The following SLC39A11 variants were observed in gnomAD, a reference collection of about 807,000 sequenced individuals.
The protein encoded by SLC39A11 is solute carrier family 39 member 11.
In SLC39A11, 33 loss-of-function variants were observed where a neutral mutation model predicts 36.1. That is an observed-to-expected ratio of 0.91 (90% CI 0.69 to 1.22). The LOEUF (loss-of-function observed/expected upper bound fraction) is 1.22. Ranked by LOEUF, SLC39A11 falls within the 50% of genes most tolerant of loss-of-function variation. The pLI, the probability that SLC39A11 is intolerant of heterozygous loss-of-function variation, is 0.00. For missense variants in SLC39A11, 432 were observed against 430.3 expected, an observed-to-expected ratio of 1.00 and a Z score of -0.03; for synonymous variants, 166 against 170.3, an observed-to-expected ratio of 0.97 and a Z score of 0.20.
intron 6 of SLC39A11, among the ~76,000 whole-genome samples, chr17:72,830,818 T>C (rs2078254069): frequency 6.6e-6 from 1 of 152,160 alleles, no homozygotes; most frequent in African/African-American, 2.4e-5. Context: ...ATTCCACCTC[T>C]CCACACTCAA....
At chr17:72,897,672 G>A (rs946115071) in intron 5 of SLC39A11, among the ~76,000 whole-genome samples, 53 of 152,164 alleles carry the variant, frequency 3.5e-4, no homozygotes, top group Admixed American at 1.5e-3. Context: ...AGCATAGTGA[G>A]GGTCCTGGTT....
At chr17:72,915,838 T>C (rs2083296799) in intron 5 of SLC39A11, among the ~76,000 whole-genome samples, 1 of 152,266 alleles carries the variant, frequency 6.6e-6, no homozygotes, top group Admixed American at 6.5e-5. Context: ...AATCCATTTT[T>C]TCAAAAGTCT....
intron 6 of SLC39A11, among the ~76,000 whole-genome samples, chr17:72,748,993 G>A (rs1272714536): frequency 6.6e-6 from 1 of 152,204 alleles, no homozygotes; most frequent in Non-Finnish European, 1.5e-5. Flanking sequence ...ACAGTTGTTG[G>A]TTTTTATTTA....
chr17:72,919,450 CTA>C lies in SLC39A11; in HGVS notation c.430+28300_430+28301del, dbSNP rs2083513431. ...AGCGTAGAGGGGCTTTTGATGATAC[CTA>C]GCATGTGGGGAGCTGAGAAATTGAT... On this transcript the variant is annotated intron_variant, in intron 5 of 9. Coordinates refer to ENST00000255559, the MANE Select transcript of SLC39A11 (RefSeq NM_139177.4). Among the ~76,000 whole-genome samples the C allele has an allele frequency of 5.3e-5, 8 of 152,020 alleles. No individual in the cohort carries two copies. The South Asian group carries it at 1.7e-3, about 32-fold the overall frequency.
chr17:73,047,990 A>AAAAAATAT (rs1555693446), intron 3 of SLC39A11, among the ~76,000 whole-genome samples: 6 of 58,674 alleles, frequency 1.0e-4, no homozygotes, highest in African/African-American at 2.0e-4. Flanking sequence ...AAAAAAAAAA[A>AAAAAATAT]ATATATATAT....
At chr17:72,938,164 C>T (rs769297702) in intron 5 of SLC39A11, among the ~76,000 whole-genome samples, 6 of 152,110 alleles carry the variant, frequency 3.9e-5, no homozygotes, top group Admixed American at 6.5e-5. Flanking sequence ...GGAAAATACA[C>T]CAGAGAGAAG....
At chr17:72,650,830 A>G (rs77687241) in intron 7 of SLC39A11, among the ~76,000 whole-genome samples, 1,645 of 152,232 alleles carry the variant, frequency 0.011, 39 homozygotes, top group African/African-American at 0.038. Flanking sequence ...ACCCCTGCCT[A>G]TGACCTGCCC....
At chr17:72,999,428 T>C (rs2089693782) in intron 4 of SLC39A11, among the ~76,000 whole-genome samples, 1 of 152,234 alleles carries the variant, frequency 6.6e-6, no homozygotes, top group Non-Finnish European at 1.5e-5. Context: ...TCATAGGGCT[T>C]AGCACTCTGC....
At chr17:72,971,336 A>ACACTCTCTCTCT (rs1555657685) in intron 4 of SLC39A11, among the ~76,000 whole-genome samples, 152 of 143,490 alleles carry the variant, frequency 1.1e-3, no homozygotes, top group African/African-American at 3.7e-3. Context: ...ACACACACAC[A>ACACTCTCTCTCT]CTCTCTCTCT....
intron 4 of SLC39A11, among the ~76,000 whole-genome samples, chr17:72,960,540 C>G (rs1050454254): frequency 1.3e-5 from 2 of 152,090 alleles, no homozygotes; most frequent in Non-Finnish European, 2.9e-5. Flanking sequence ...GCCTGTAATC[C>G]CAGCACTTTG....
In SLC39A11 at chr17:72,879,770, C is replaced by T. The variant is rs534547939; in HGVS notation, c.431-29966G>A. On this transcript the variant is annotated intron_variant, in intron 5 of 9. Coordinates refer to ENST00000255559, the MANE Select transcript of SLC39A11 (RefSeq NM_139177.4). ...TCCCATTGTTTCTATAGATAAATCTCTCACCCTAGACCTTTTTACCCAAGA... is the reference window on the plus strand; with the variant it reads ...TCCCATTGTTTCTATAGATAAATCTTTCACCCTAGACCTTTTTACCCAAGA... Among the ~76,000 whole-genome samples, 4 of 152,332 alleles carry T rather than the reference C, an allele frequency of 2.6e-5. No homozygotes were observed. In the East Asian group the frequency reaches 5.8e-4, roughly 22 times the overall value.
chr17:72,720,452 G>A (rs143705872), intron 7 of SLC39A11, among the ~76,000 whole-genome samples: 8 of 152,192 alleles, frequency 5.3e-5, no homozygotes, highest in Non-Finnish European at 1.0e-4. Context: ...CCTGGGCCCC[G>A]AGGCTTGGAT....
chr17:72,877,298 C>T (rs2080953373), intron 5 of SLC39A11, among the ~76,000 whole-genome samples: 1 of 152,194 alleles, frequency 6.6e-6, no homozygotes, highest in Non-Finnish European at 1.5e-5. Context: ...TTCTCTCTCA[C>T]CTCTCTTTGC....
At chr17:73,087,638 T>A (rs1008854646) in intron 2 of SLC39A11, among the ~76,000 whole-genome samples, 2 of 151,890 alleles carry the variant, frequency 1.3e-5, no homozygotes, top group Non-Finnish European at 2.9e-5. Flanking sequence ...TGGGTATGTG[T>A]GCAAGTGTGG....
At chr17:72,772,481 A>C (rs755676) in intron 6 of SLC39A11, among the ~76,000 whole-genome samples, 50,362 of 151,998 alleles carry the variant, frequency 0.33, 10,369 homozygotes, top group African/African-American at 0.58. Context: ...GTTAATCCGG[A>C]AGCCACATAG....
At chr17:72,949,143 G>GTTTTTTTTTTTT (rs1568004786) in intron 4 of SLC39A11, among the ~76,000 whole-genome samples, 1 of 52,548 alleles carries the variant, frequency 1.9e-5, no homozygotes, top group Non-Finnish European at 4.8e-5. Context: ...ACACTGGGCA[G>GTTTTTTTTTTTT]CTTTTTTTTT....
At chr17:72,820,757 G>A (rs1271704481) in intron 6 of SLC39A11, among the ~76,000 whole-genome samples, 1 of 151,018 alleles carries the variant, frequency 6.6e-6, no homozygotes, top group African/African-American at 2.4e-5. Flanking sequence ...GTGCTAACGG[G>A]CGGGCAGAAG....
At chr17:73,008,890 CA>C (rs200771104) in intron 4 of SLC39A11, among the ~76,000 whole-genome samples, 1 of 148,658 alleles carries the variant, frequency 6.7e-6, no homozygotes, top group Non-Finnish European at 1.5e-5. Flanking sequence ...GCTGTCACTA[CA>C]AAAAAAAATA....
intron 6 of SLC39A11, among the ~76,000 whole-genome samples, chr17:72,740,164 A>G (rs535965307): frequency 2.2e-5 from 3 of 137,078 alleles, no homozygotes; most frequent in Non-Finnish European, 4.5e-5. Context: ...CTGGGTTCAC[A>G]CCATTCTCCT....
Sources: allele counts gnomAD v4.1 joint callset (sites outside exome capture counted in the v4.1 genomes callset), GRCh38; gene constraint gnomAD v4.1.1; transcripts MANE v1.5; gene names NCBI Gene and HGNC (gene_info 2026-07-23, HGNC 2026-07-21).